Variants in SOX5 observed in about 807,000 individuals in gnomAD.
SOX5 encodes transcription factor SOX-5.
In SOX5, 9 loss-of-function variants were observed where a neutral mutation model predicts 92.0. That is an observed-to-expected ratio of 0.10 (90% confidence interval 0.06 to 0.17). The LOEUF (loss-of-function observed/expected upper bound fraction) is 0.17. Ranked by LOEUF, SOX5 falls within the 10% of genes least tolerant of loss-of-function variation. The probability of loss-of-function intolerance (pLI) is 1.00; values close to 1 mark genes in which losing one functional copy is unlikely to be tolerated. For missense variants in SOX5, 642 were observed against 944.5 expected (o/e 0.68, Z 4.20); for synonymous variants, 344 against 336.3 (o/e 1.02, Z -0.25).
intron 4 of SOX5, among the ~76,000 whole-genome samples, chr12:24,192,198 A>G (rs962022199): frequency 1.3e-5 from 2 of 152,224 alleles, no homozygotes; most frequent in African/African-American, 4.8e-5. Flanking sequence ...AGTTTGTATG[A>G]GCCAGAATTG....
At chr12:23,789,881 T>C (rs1422147507) in intron 3 of SOX5, among the ~76,000 whole-genome samples, 1 of 152,160 alleles carries the variant, frequency 6.6e-6, no homozygotes, top group Non-Finnish European at 1.5e-5. Flanking sequence ...TTTCATACTT[T>C]TGAAAAACAA....
At chr12:24,400,866 T>G (rs1961367791) in intron 1 of SOX5, among the ~76,000 whole-genome samples, 1 of 152,166 alleles carries the variant, frequency 6.6e-6, no homozygotes, top group Non-Finnish European at 1.5e-5. Flanking sequence ...GCAAATGACT[T>G]TATAAATGTC....
At chr12:24,537,897 G>C (rs1158745310) in intron 1 of SOX5, among the ~76,000 whole-genome samples, 1 of 152,114 alleles carries the variant, frequency 6.6e-6, no homozygotes, top group East Asian at 1.9e-4. Context: ...TTTTGTATCT[G>C]TTCAGTTCAA....
At chr12:24,148,984 G>T (rs1199132347) in intron 4 of SOX5, among the ~76,000 whole-genome samples, 1 of 152,084 alleles carries the variant, frequency 6.6e-6, no homozygotes, top group African/African-American at 2.4e-5. Flanking sequence ...AGTGGATAAA[G>T]TATAGTGTTT....
intron 8 of SOX5, among the ~76,000 whole-genome samples, chr12:23,633,483 A>G (rs887175044): frequency 6.6e-6 from 1 of 152,118 alleles, no homozygotes; most frequent in African/African-American, 2.4e-5. Context: ...ATTAAAATGA[A>G]CATAGATAAG....
At chr12:24,391,421 G>A (rs1477485016) in intron 1 of SOX5, among the ~76,000 whole-genome samples, 5 of 152,118 alleles carry the variant, frequency 3.3e-5, no homozygotes, top group African/African-American at 1.2e-4. Context: ...AAAGAAAGGA[G>A]ATCAAACTTT....
intron 2 of SOX5, among the ~76,000 whole-genome samples, chr12:23,888,679 G>A (rs929126994): frequency 6.6e-6 from 1 of 151,990 alleles, no homozygotes; most frequent in Non-Finnish European, 1.5e-5. Context: ...TAGCCCTGGG[G>A]GTAATTTCCC....
chr12:23,937,376 A>T (rs1314297140), intron 1 of SOX5, among the ~76,000 whole-genome samples: 1 of 150,890 alleles, frequency 6.6e-6, no homozygotes, highest in Non-Finnish European at 1.5e-5. Flanking sequence ...AATGGGTCAA[A>T]CAATTAGATT....
intron 4 of SOX5, among the ~76,000 whole-genome samples, chr12:23,979,910 T>C (rs61910023): frequency 0.13 from 15,709 of 120,732 alleles, 1,077 homozygotes; most frequent in South Asian, 0.16. Flanking sequence ...GCTGGCTGGC[T>C]GGCCAGACAG....
intron 3 of SOX5, among the ~76,000 whole-genome samples, chr12:24,272,035 ATATT>A (rs1943824020): frequency 6.6e-6 from 1 of 152,114 alleles, no homozygotes; most frequent in South Asian, 2.1e-4. Flanking sequence ...CAAAAACAGA[ATATT>A]TATTGTGATG....
At chr12:23,979,911 G>GACAGACAGACAGACAGACAGACA (rs1569372459) in intron 4 of SOX5, among the ~76,000 whole-genome samples, 1 of 119,448 alleles carries the variant, frequency 8.4e-6, no homozygotes, top group Non-Finnish European at 1.7e-5. Flanking sequence ...CTGGCTGGCT[G>GACAGACAGACAGACAGACAGACA]GCCAGACAGA....
intron 2 of SOX5, among the ~76,000 whole-genome samples, chr12:23,893,451 A>T (rs991029876): frequency 6.6e-6 from 1 of 152,126 alleles, no homozygotes; most frequent in Non-Finnish European, 1.5e-5. Flanking sequence ...TCTCAAAAAA[A>T]AAAAATAGGA....
At chr12:24,429,689 G>A (rs1203704267) in intron 1 of SOX5, among the ~76,000 whole-genome samples, 1 of 151,710 alleles carries the variant, frequency 6.6e-6, no homozygotes, top group Admixed American at 6.6e-5. Context: ...AAACTAAAGT[G>A]TTTATAAAAA....
At chr12:23,920,438 C>T (rs1305763836) in intron 1 of SOX5, 1 of 152,146 alleles carries the variant, frequency 6.6e-6, no homozygotes, top group Non-Finnish European at 1.5e-5. Context: ...TAGTAATAGA[C>T]TAGCTCTAAG....
intron 1 of SOX5, among the ~76,000 whole-genome samples, chr12:23,945,681 G>C (rs565734124): frequency 5.9e-5 from 9 of 152,198 alleles, no homozygotes; most frequent in East Asian, 5.8e-4. Context: ...AATTATCAAA[G>C]CCTATGAGAA....
chr12:24,120,625 T>A (rs1443238461), intron 4 of SOX5, among the ~76,000 whole-genome samples: 2 of 152,210 alleles, frequency 1.3e-5, no homozygotes, highest in Non-Finnish European at 2.9e-5. Context: ...CAATATTCCT[T>A]TGATATCCCA....
chr12:24,513,834 C>T (rs980863622), intron 1 of SOX5, among the ~76,000 whole-genome samples: 3 of 152,180 alleles, frequency 2.0e-5, no homozygotes, highest in Non-Finnish European at 4.4e-5. Flanking sequence ...TAGAGATTTT[C>T]GAACACAATG....
At chr12:24,333,828 A>G (rs1205098429) in intron 2 of SOX5, among the ~76,000 whole-genome samples, 1 of 145,376 alleles carries the variant, frequency 6.9e-6, no homozygotes, top group East Asian at 2.0e-4. Flanking sequence ...GATATTTTAT[A>G]ATGTGTCTAA....
At chr12:24,015,809 T>G (rs779985612) in intron 4 of SOX5, among the ~76,000 whole-genome samples, 2 of 152,092 alleles carry the variant, frequency 1.3e-5, no homozygotes, top group Non-Finnish European at 2.9e-5. Flanking sequence ...TAATGAAATA[T>G]GATGGATCAC....
Sources: allele counts gnomAD v4.1 joint callset (sites outside exome capture counted in the v4.1 genomes callset), GRCh38; gene constraint gnomAD v4.1.1; transcripts MANE v1.5; gene names NCBI Gene and HGNC (gene_info 2026-07-23, HGNC 2026-07-21).